SOX5: variants seen among roughly 807,000 people sequenced by gnomAD.
SOX5 encodes the protein SRY-box transcription factor 5.
A neutral mutation model predicts 92.0 loss-of-function variants in SOX5; 9 were observed. The ratio of observed to expected loss-of-function variants is 0.10; its 90% CI spans 0.06 to 0.17. SOX5 has a LOEUF of 0.17. Ranked by LOEUF, SOX5 falls within the 10% of genes least tolerant of loss-of-function variation. The pLI is 1.00. For missense variants in SOX5, 642 were observed against 944.5 expected, an observed-to-expected ratio of 0.68 and a Z score of 4.20; for synonymous variants, 344 against 336.3, an observed-to-expected ratio of 1.02 and a Z score of -0.25.
chr12:23,706,855 G>T (rs969836933), intron 6 of SOX5, among the ~76,000 whole-genome samples: 2 of 151,768 alleles, frequency 1.3e-5, no homozygotes, highest in Non-Finnish European at 1.5e-5. Flanking sequence ...CTAATCCAAC[G>T]TTATTATAAA....
rs571230719 is a variant in SOX5 at position 24,141,545 on chromosome 12, T to C, written c.-2+71798A>G. Reference sequence around the variant, plus strand: ...CCCTTTTGCCTAGCAGGGTCTCTTGTTTTGTAAACGGCTGGAAGAATCCTT... The same window carrying C: ...CCCTTTTGCCTAGCAGGGTCTCTTGCTTTGTAAACGGCTGGAAGAATCCTT... On this transcript the variant is annotated intron_variant, in intron 4 of 4. Transcript: ENST00000446891. 2.0e-5 allele frequency among the ~76,000 whole-genome samples: 3 copies of C among 152,304 alleles called. No individual in the cohort carries two copies. The South Asian group carries it at 6.2e-4, about 32-fold the overall frequency.
chr12:24,407,674 A>G (rs1163922897), intron 1 of SOX5: 1 of 152,272 alleles, frequency 6.6e-6, no homozygotes, highest in Non-Finnish European at 1.5e-5. Context: ...CTGGATTGCA[A>G]TAAGCTGAGT....
At chr12:23,832,286 A>C (rs574997690) in intron 3 of SOX5, among the ~76,000 whole-genome samples, 1 of 152,188 alleles carries the variant, frequency 6.6e-6, no homozygotes, top group South Asian at 2.1e-4. Flanking sequence ...GCCCAACTAC[A>C]TATTTATTTG....
chr12:23,786,667 A>G lies in SOX5; in HGVS notation c.482-30943T>C, dbSNP rs1195686347. Among the ~76,000 whole-genome samples the G allele has an allele frequency of 4.8e-5, 7 of 146,862 alleles. 1 individual carries two copies. The highest frequency in any genetic ancestry group is 1.8e-4 in the African/African-American group (7 of 39,822). On this transcript the variant is annotated intron_variant, in intron 3 of 14. Coordinates refer to ENST00000451604, the MANE Select transcript of SOX5 (RefSeq NM_006940.6). ...AATTGTAACAATAGCGTAGGTATGC[A>G]ACTATAACATCAAAGTATGACAAAT...
At chr12:23,703,967 A>G (rs1296460084) in intron 6 of SOX5, among the ~76,000 whole-genome samples, 1 of 152,042 alleles carries the variant, frequency 6.6e-6, no homozygotes, top group East Asian at 1.9e-4. Flanking sequence ...TGACTTTGGC[A>G]ATGCAGTTAG....
At chr12:24,258,056 C>A (rs917114541) in intron 3 of SOX5, among the ~76,000 whole-genome samples, 1 of 152,000 alleles carries the variant, frequency 6.6e-6, no homozygotes. Context: ...ACCTGTAGTC[C>A]CAGCTACTTG....
chr12:23,667,718 A>G (rs1367868260), intron 6 of SOX5, among the ~76,000 whole-genome samples: 1 of 152,198 alleles, frequency 6.6e-6, no homozygotes, highest in African/African-American at 2.4e-5. Flanking sequence ...ACAAGGTGGA[A>G]AAAAGGGAGC....
intron 1 of SOX5, among the ~76,000 whole-genome samples, chr12:24,473,141 G>C (rs1944979432): frequency 6.6e-6 from 1 of 152,056 alleles, no homozygotes. Context: ...GTCTGAGGGA[G>C]TCCGTTTTAA....
chr12:24,004,544 T>C (rs926783312), intron 4 of SOX5, among the ~76,000 whole-genome samples: 3 of 152,026 alleles, frequency 2.0e-5, no homozygotes, highest in Non-Finnish European at 2.9e-5. Flanking sequence ...TTTAGGGAAA[T>C]GCAAATTAAA....
At chr12:24,218,058 G>A (rs1285077985) in intron 3 of SOX5, among the ~76,000 whole-genome samples, 1 of 152,190 alleles carries the variant, frequency 6.6e-6, no homozygotes. Context: ...GCTATGGAAA[G>A]TGGTTTGCAA....
intron 3 of SOX5, among the ~76,000 whole-genome samples, chr12:23,770,337 T>C (rs964570214): frequency 9.4e-4 from 140 of 149,244 alleles, no homozygotes; most frequent in African/African-American, 3.4e-3. Context: ...AAGAAAACCC[T>C]GAATTATCAA....
At chr12:24,339,163 C>CCCCACACACACA (rs141671017) in intron 2 of SOX5, among the ~76,000 whole-genome samples, 1,783 of 140,450 alleles carry the variant, frequency 0.013, 18 homozygotes, top group South Asian at 0.031. Flanking sequence ...TCTCTCTCTG[C>CCCCACACACACA]CACACACACA....
chr12:24,018,172 C>A (rs11047211), intron 4 of SOX5, among the ~76,000 whole-genome samples: 2 of 152,006 alleles, frequency 1.3e-5, no homozygotes, highest in Admixed American at 1.3e-4. Context: ...CCCAGCTTCC[C>A]TGACCACGTC....
At chr12:23,741,248 G>C (rs2093785743) in intron 4 of SOX5, among the ~76,000 whole-genome samples, 1 of 151,978 alleles carries the variant, frequency 6.6e-6, no homozygotes, top group South Asian at 2.1e-4. Context: ...TTGGCTCTCT[G>C]GCACAATAGA....
At chr12:24,218,136 G>A (rs1959483920) in intron 3 of SOX5, among the ~76,000 whole-genome samples, 1 of 152,120 alleles carries the variant, frequency 6.6e-6, no homozygotes, top group African/African-American at 2.4e-5. Flanking sequence ...GTATACCCAA[G>A]AGAAATAAAA....
chr12:23,784,522 C>T (rs1206525170), intron 3 of SOX5, among the ~76,000 whole-genome samples: 1 of 151,904 alleles, frequency 6.6e-6, no homozygotes, highest in Admixed American at 6.6e-5. Context: ...GAGACAGGGT[C>T]TCACCGTGTT....
chr12:23,921,368 G>A (rs1330899694), intron 1 of SOX5, among the ~76,000 whole-genome samples: 1 of 150,112 alleles, frequency 6.7e-6, no homozygotes, highest in Admixed American at 6.7e-5. Context: ...AGACCTCAAA[G>A]TTGATATGAT....
At chr12:24,193,981 C>T (rs570745284) in intron 4 of SOX5, among the ~76,000 whole-genome samples, 24 of 152,086 alleles carry the variant, frequency 1.6e-4, no homozygotes, top group Non-Finnish European at 8.8e-5. Flanking sequence ...TTCTGTTGGG[C>T]CCTCATCCCT....
chr12:24,057,008 A>G (rs1958197255), intron 4 of SOX5, among the ~76,000 whole-genome samples: 1 of 148,146 alleles, frequency 6.8e-6, no homozygotes, highest in African/African-American at 2.5e-5. Context: ...ACAAAAAAAA[A>G]GAAAGTAAGT....
Sources: gnomAD v4.1 joint callset for allele counts (sites outside exome capture counted in the v4.1 genomes callset) on GRCh38, gnomAD v4.1.1 for gene constraint, MANE v1.5 for transcripts, NCBI Gene and HGNC (gene_info 2026-07-23, HGNC 2026-07-21) for gene names.